The following ANKS1A variants were observed in gnomAD, a reference collection of about 807,000 sequenced individuals.
ANKS1A encodes the protein ankyrin repeat and SAM domain-containing protein 1A.
A neutral mutation model predicts 120.3 loss-of-function variants in ANKS1A; 55 were observed. The ratio of observed to expected loss-of-function variants is 0.46; its 90% CI spans 0.37 to 0.57. The LOEUF (loss-of-function observed/expected upper bound fraction) is 0.57, where lower values mean the gene tolerates loss of function less well. ANKS1A is among the 20% of genes least tolerant of loss of function. ANKS1A has a pLI of 0.00. For synonymous variants in ANKS1A, 590 were observed against 604.7 expected (o/e 0.98, Z 0.36); for missense variants, 1,123 against 1,480.3 (o/e 0.76, Z 3.96).
At chr6:34,901,651 C>T (rs576003553) in intron 1 of ANKS1A, among the ~76,000 whole-genome samples, 169 of 152,334 alleles carry the variant, frequency 1.1e-3, no homozygotes, top group Middle Eastern at 6.8e-3. Flanking sequence ...GCTGGGACTA[C>T]AGGCTCATGA....
At position 34,976,777 on chromosome 6, in the gene ANKS1A, C is replaced by CGTGT. The variant is rs34002253; in HGVS notation, c.436-4894_436-4891dup. Among the ~76,000 whole-genome samples the CGTGT allele has an allele frequency of 4.9e-3, 726 of 149,386 alleles. 5 individuals carry two copies. Among genetic ancestry groups the CGTGT allele is most frequent in the African/African-American group, 0.016 (654 of 40,614 alleles). ...TGCTTTTTCTCTTTCTGTGTGTGTG[C>CGTGT]GTGTGTGTGTGTGTGTGTGTGTATG... On this transcript the variant is annotated intron_variant, in intron 3 of 23. Coordinates refer to ENST00000360359, the MANE Select transcript of ANKS1A (RefSeq NM_015245.3).
In ANKS1A at chr6:34,945,979, A is replaced by T. The variant is rs1328867345; in HGVS notation, c.198-21260A>T. 1.7e-4 allele frequency among the ~76,000 whole-genome samples: 23 copies of T among 138,970 alleles called. 1 individual carries two copies. In the South Asian group the frequency reaches 3.5e-3, roughly 21 times the overall value. 91.2% of individuals were successfully genotyped at this position (138,970 alleles called of 152,430 possible). ...TCCTCCTCTCTTTATTTTTATTTTT[A>T]TTTATTTTTTTTTTTTTTTGAGACA... On this transcript the variant is annotated intron_variant, in intron 1 of 23. Transcript: ENST00000360359.
chr6:35,009,986 C>T, intron 10 of ANKS1A: 1 of 246,794 alleles, frequency 4.1e-6, no homozygotes, highest in Non-Finnish European at 8.0e-6. Context: ...CAGAACTTAG[C>T]CTGGGCAACA....
chr6:34,959,773 A>G (rs1172036998), intron 1 of ANKS1A, among the ~76,000 whole-genome samples: 3 of 152,174 alleles, frequency 2.0e-5, no homozygotes, highest in Non-Finnish European at 1.5e-5. Flanking sequence ...GAGTTTTGCT[A>G]GGTCTGAAGA....
In ANKS1A at chr6:34,985,248, A is replaced by G. The variant is rs145389632; in HGVS notation, c.1179A>G (p.Ala393=). The G allele has an allele frequency of 6.2e-7, 1 of 1,613,960 alleles. No individual in the cohort carries two copies. Among genetic ancestry groups the G allele is most frequent in the African/African-American group, 1.3e-5 (1 of 74,928 alleles). Residue 393 remains alanine (A), a synonymous_variant, in exon 8 of 24, where the codon GCA becomes GCG. Coordinates refer to ENST00000360359, the MANE Select transcript of ANKS1A (RefSeq NM_015245.3). ...DQDSTNKEAE[A]AGVKPAGVRP... is the part of the protein sequence containing the mutation. ...ACTCCACGAACAAGGAGGCTGAGGC[A>G]GCAGGAGTGAAACCTGCTGGAGTGA... is the stretch of plus-strand genomic sequence containing the variant.
intron 10 of ANKS1A, 138 bp downstream of exon 10, chr6:34,994,560 G>C: frequency 7.5e-7 from 1 of 1,325,486 alleles, no homozygotes; most frequent in Non-Finnish European, 1.0e-6. Context: ...ATCTGGGATG[G>C]TGGGTCCATT....
chr6:35,029,257 C>T (rs1774778698), intron 11 of ANKS1A, among the ~76,000 whole-genome samples: 1 of 141,356 alleles, frequency 7.1e-6, no homozygotes, highest in African/African-American at 2.7e-5. Context: ...TATGATTTGT[C>T]TTTTGGCCTT....
At chr6:34,984,216 A>G (rs1772064345) in intron 7 of ANKS1A, among the ~76,000 whole-genome samples, 1 of 152,224 alleles carries the variant, frequency 6.6e-6, no homozygotes, top group Admixed American at 6.5e-5. Context: ...AGTAGTCAGG[A>G]TCCACCTTTT....
Position 35,084,372 on chromosome 6 carries a change from A to G in ANKS1A, c.3132+114A>G, listed in dbSNP as rs1777853371. On this transcript the variant is annotated intron_variant, in intron 21 of 23. Coordinates refer to ENST00000360359, the MANE Select transcript of ANKS1A (RefSeq NM_015245.3). The surrounding 1 kb of genome is among the most constrained non-coding windows in gnomAD (Gnocchi z 4.8). Reference sequence around the variant, plus strand: ...TCCTGGCCCCTGGCCAGTGCCTGGCAAATGTTTGGTTCATGAATGGAGCCC... The same window carrying G: ...TCCTGGCCCCTGGCCAGTGCCTGGCGAATGTTTGGTTCATGAATGGAGCCC... 1.1e-5 allele frequency: 16 copies of G among 1,423,212 alleles called. No individual in the cohort carries two copies. The highest frequency in any genetic ancestry group is 1.5e-5 in the Non-Finnish European group (16 of 1,071,492). The allele number at this position is 1,423,212 out of a possible 1,614,324, so 88.2% of individuals were successfully genotyped here.
chr6:34,939,924 A>C (rs996499871), intron 1 of ANKS1A, among the ~76,000 whole-genome samples: 2 of 152,148 alleles, frequency 1.3e-5, no homozygotes, highest in Admixed American at 1.3e-4. Context: ...TCTAAGAAAT[A>C]TGGTTGCTGC....
At chr6:34,890,264 G>T (rs574125094) in intron 1 of ANKS1A, among the ~76,000 whole-genome samples, 5 of 152,016 alleles carry the variant, frequency 3.3e-5, no homozygotes, top group Non-Finnish European at 7.4e-5. Flanking sequence ...GCTAATTTTT[G>T]TATTTTTAGT....
intron 10 of ANKS1A, among the ~76,000 whole-genome samples, chr6:34,996,292 CT>C (rs1287257058): frequency 6.6e-6 from 1 of 151,954 alleles, no homozygotes; most frequent in Non-Finnish European, 1.5e-5. Flanking sequence ...AGATTGTTTT[CT>C]TATTATTGAG....
chr6:34,965,716 T>C lies in ANKS1A; in HGVS notation c.198-1523T>C, dbSNP rs554562110. ...AGGCTCTGGGCTCAGATGGCTTTAC[T>C]GGTGATTCTTTATAATTTTAGTGCT... On this transcript the variant is annotated intron_variant, in intron 1 of 23. Transcript: ENST00000360359. Among the ~76,000 whole-genome samples the C allele has an allele frequency of 2.6e-5, 4 of 152,086 alleles. No homozygotes were observed. The South Asian group carries it at 8.3e-4, about 32-fold the overall frequency.
chr6:34,959,359 T>C (rs1029328381), intron 1 of ANKS1A, among the ~76,000 whole-genome samples: 4 of 152,244 alleles, frequency 2.6e-5, no homozygotes, highest in African/African-American at 9.6e-5. Flanking sequence ...AAGAATCTGA[T>C]CTGGTAAGAG....
At chr6:34,986,342 T>C (rs1477538890) in intron 8 of ANKS1A, among the ~76,000 whole-genome samples, 2 of 152,234 alleles carry the variant, frequency 1.3e-5, no homozygotes, top group East Asian at 1.9e-4. Context: ...CCTAGGGTTA[T>C]GTTGGGAGTG....
intron 11 of ANKS1A, among the ~76,000 whole-genome samples, chr6:35,039,924 CCCTCTT>C (rs1775373358): frequency 6.6e-6 from 1 of 152,170 alleles, no homozygotes; most frequent in Non-Finnish European, 1.5e-5. Context: ...CTGACAAGGA[CCCTCTT>C]CCTGGCTTAG....
intron 13 of ANKS1A, among the ~76,000 whole-genome samples, chr6:35,071,995 A>G (rs1777109832): frequency 6.6e-6 from 1 of 152,252 alleles, no homozygotes; most frequent in Non-Finnish European, 1.5e-5. Context: ...AAGGGTCTAC[A>G]CCAGTGTGTC....
chr6:35,064,261 G>C (rs1776654151), intron 13 of ANKS1A, among the ~76,000 whole-genome samples: 1 of 152,230 alleles, frequency 6.6e-6, no homozygotes, highest in African/African-American at 2.4e-5. Context: ...AGGCAGTCAT[G>C]GCTCGGGGCA....
chr6:34,991,355 G>A (rs1390961144), intron 9 of ANKS1A, among the ~76,000 whole-genome samples: 1 of 151,960 alleles, frequency 6.6e-6, no homozygotes, highest in South Asian at 2.1e-4. Context: ...AGGACTGGCC[G>A]TAGTCTTCTC....
Sources: gnomAD v4.1 joint callset for allele counts (sites outside exome capture counted in the v4.1 genomes callset) on GRCh38, gnomAD v4.1.1 for gene constraint, Gnocchi (gnomAD v3.1) non-coding constraint, MANE v1.5 for transcripts, NCBI Gene and HGNC (gene_info 2026-07-23, HGNC 2026-07-21) for gene names.